Variants in FHIT observed in about 807,000 individuals in gnomAD.
The protein encoded by FHIT is fragile histidine triad diadenosine triphosphatase, also known as bis(5'-adenosyl)-triphosphatase.
In FHIT, 19 loss-of-function variants were observed where a neutral mutation model predicts 17.9. That is an observed-to-expected ratio of 1.06 (90% confidence interval 0.74 to 1.56). FHIT has a LOEUF of 1.56. FHIT is among the 40% of genes most tolerant of loss of function. FHIT has a pLI of 0.00. For synonymous variants in FHIT, 81 were observed against 69.7 expected (o/e 1.16, Z -0.81); for missense variants, 248 against 189.2 (o/e 1.31, Z -1.82).
intron 5 of FHIT, among the ~76,000 whole-genome samples, chr3:60,152,460 A>G (rs1700508854): frequency 6.6e-6 from 1 of 152,206 alleles, no homozygotes; most frequent in Non-Finnish European, 1.5e-5. Flanking sequence ...AGCTACTTCC[A>G]GAAGGTCAAG....
intron 8 of FHIT, among the ~76,000 whole-genome samples, chr3:59,813,165 T>C (rs1700467418): frequency 6.6e-6 from 1 of 152,218 alleles, no homozygotes; most frequent in Admixed American, 6.5e-5. Context: ...ATTAATGAAA[T>C]GTTTAGTTGG....
intron 8 of FHIT, among the ~76,000 whole-genome samples, chr3:59,850,583 C>T (rs903794875): frequency 4.6e-5 from 7 of 152,038 alleles, no homozygotes; most frequent in Non-Finnish European, 1.0e-4. Flanking sequence ...GTTAATGAGC[C>T]GATACAAGCT....
In FHIT at chr3:61,036,913, TGTTTG is replaced by T. The variant is rs1158088005; in HGVS notation, c.-111+5129_-111+5133del. On this transcript the variant is annotated intron_variant, in intron 3 of 9. Coordinates refer to ENST00000492590, the MANE Select transcript of FHIT (RefSeq NM_002012.4). ...ATCAGTCTGCTTTGTTTTTTTTTTTTGTTTGTTTGTTTTTTTGAGATGGAGTCTCG... is the reference window on the plus strand; with the variant it reads ...ATCAGTCTGCTTTGTTTTTTTTTTTTTTTGTTTTTTTGAGATGGAGTCTCG... 5.6e-4 allele frequency among the ~76,000 whole-genome samples: 68 copies of T among 120,794 alleles called. 1 individual carries two copies. Among genetic ancestry groups the T allele is most frequent in the Middle Eastern group, 4.2e-3 (1 of 240 alleles). The allele number at this position is 120,794 out of a possible 152,430, so 79.2% of individuals were successfully genotyped here.
intron 8 of FHIT, among the ~76,000 whole-genome samples, chr3:59,835,166 C>CA (rs886147543): frequency 1.3e-5 from 2 of 152,162 alleles, no homozygotes; most frequent in African/African-American, 4.8e-5. Flanking sequence ...TGACTTATAT[C>CA]AGCCTGGGCC....
At chr3:59,805,039 C>T (rs1235055365) in intron 8 of FHIT, among the ~76,000 whole-genome samples, 1 of 152,092 alleles carries the variant, frequency 6.6e-6, no homozygotes, top group African/African-American at 2.4e-5. Context: ...TGCTTTGTTT[C>T]CAGGCCTTGG....
chr3:61,046,508 A>G (rs563129162), intron 2 of FHIT, among the ~76,000 whole-genome samples: 1 of 152,318 alleles, frequency 6.6e-6, no homozygotes, highest in Admixed American at 6.5e-5. Context: ...ATAGCCTAGC[A>G]ACCAAAAAAA....
Position 59,876,006 on chromosome 3 carries a change from A to G in FHIT, c.348+46340T>C, listed in dbSNP as rs115508378. The stretch of plus-strand genomic sequence containing the variant: ...GAATTTTATAGATTACAAATTTCAG[A>G]GATTCTTTATTCCAGTATAGAGACA... On this transcript the variant is annotated intron_variant, in intron 8 of 9. Coordinates refer to ENST00000492590, the MANE Select transcript of FHIT (RefSeq NM_002012.4). Among the ~76,000 whole-genome samples, 897 of 152,204 alleles carry G rather than the reference A, an allele frequency of 5.9e-3. 6 individuals are homozygous for G. The highest frequency in any genetic ancestry group is 8.6e-3 in the Non-Finnish European group (585 of 68,022).
intron 5 of FHIT, among the ~76,000 whole-genome samples, chr3:60,020,661 G>A (rs1241115945): frequency 6.6e-6 from 1 of 152,194 alleles, no homozygotes; most frequent in Non-Finnish European, 1.5e-5. Context: ...GACCTCAGCA[G>A]ACCCTGTATA....
At chr3:60,705,578 A>C (rs374534785) in intron 4 of FHIT, among the ~76,000 whole-genome samples, 90 of 152,250 alleles carry the variant, frequency 5.9e-4, no homozygotes, top group Admixed American at 2.6e-4. Flanking sequence ...TCACTTGGCT[A>C]TGGTGGTTTT....
At chr3:60,049,639 C>T (rs1003289583) in intron 5 of FHIT, among the ~76,000 whole-genome samples, 5 of 152,078 alleles carry the variant, frequency 3.3e-5, no homozygotes, top group Non-Finnish European at 7.4e-5. Context: ...TACTACTTTA[C>T]ATATATTAAA....
chr3:60,832,345 G>T (rs563326176), intron 3 of FHIT, among the ~76,000 whole-genome samples: 1 of 152,234 alleles, frequency 6.6e-6, no homozygotes, highest in South Asian at 2.1e-4. Context: ...GCAGATCTTG[G>T]ATTCTGATCC....
chr3:59,986,538 T>TACACAC (rs1427707266), intron 7 of FHIT, among the ~76,000 whole-genome samples: 6 of 11,384 alleles, frequency 5.3e-4, no homozygotes, highest in African/African-American at 1.8e-3. Context: ...TATATATATA[T>TACACAC]ATACACACAC....
chr3:59,971,296 A>C (rs1708169055), intron 7 of FHIT, among the ~76,000 whole-genome samples: 1 of 152,134 alleles, frequency 6.6e-6, no homozygotes, highest in Non-Finnish European at 1.5e-5. Context: ...AGCTGCAAGA[A>C]TATTTTTTCT....
At chr3:59,913,902 AT>A (rs1705006079) in intron 8 of FHIT, among the ~76,000 whole-genome samples, 1 of 152,206 alleles carries the variant, frequency 6.6e-6, no homozygotes, top group Non-Finnish European at 1.5e-5. Context: ...GATTTCCTTG[AT>A]TAGAAAGAAA....
intron 5 of FHIT, among the ~76,000 whole-genome samples, chr3:60,029,550 A>G (rs1700894216): frequency 6.6e-6 from 1 of 152,124 alleles, no homozygotes; most frequent in African/African-American, 2.4e-5. Flanking sequence ...GAATTCTCCC[A>G]CCACACTGCC....
In FHIT at chr3:60,100,022, C is replaced by T. The variant is rs544431218; in HGVS notation, c.104-85870G>A. Among the ~76,000 whole-genome samples the T allele has an allele frequency of 3.9e-5, 6 of 152,276 alleles. No homozygotes were observed. The South Asian group carries it at 1.2e-3, about 32-fold the overall frequency. ...CAGGAACAACAGTCACAGTTTTTCA[C>T]AGTAGCACACTGGAACCCCCTTTCT... On this transcript the variant is annotated intron_variant, in intron 5 of 9. Transcript: ENST00000492590.
chr3:60,200,292 T>C (rs1179470166), intron 5 of FHIT, among the ~76,000 whole-genome samples: 1 of 152,108 alleles, frequency 6.6e-6, no homozygotes, highest in Non-Finnish European at 1.5e-5. Context: ...CCTTTCCACA[T>C]TTTAGGGCCT....
chr3:59,857,362 AT>A lies in FHIT; in HGVS notation c.348+64983del, dbSNP rs879481316. Among the ~76,000 whole-genome samples the A allele has an allele frequency of 2.0e-3, 304 of 148,758 alleles. 1 individual carries two copies. Among genetic ancestry groups the A allele is most frequent in the South Asian group, 7.5e-3 (35 of 4,688 alleles). On this transcript the variant is annotated intron_variant, in intron 8 of 9. Transcript: ENST00000492590. ...TCTGCCACAGATTCCAGGTCAGAAT[AT>A]TTTTTTTTTTAAACATTCTGGCCAC...
chr3:59,966,072 G>A (rs1707912026), intron 7 of FHIT, among the ~76,000 whole-genome samples: 1 of 152,162 alleles, frequency 6.6e-6, no homozygotes, highest in Non-Finnish European at 1.5e-5. Flanking sequence ...TCCAGAGAAA[G>A]ATAATTCTAG....
Sources: allele counts gnomAD v4.1 joint callset (sites outside exome capture counted in the v4.1 genomes callset), GRCh38; gene constraint gnomAD v4.1.1; transcripts MANE v1.5; gene names NCBI Gene and HGNC (gene_info 2026-07-23, HGNC 2026-07-21).